Variants in ITGB2 observed in about 807,000 individuals in gnomAD.
The protein encoded by ITGB2 is integrin subunit beta 2, also known as integrin beta-2.
Under a neutral mutation model 86.8 loss-of-function variants are expected in ITGB2, and 56 were observed. That is an observed-to-expected ratio of 0.65 (90% CI 0.52 to 0.81). ITGB2 has a LOEUF of 0.81. Among genes scored for constraint, ITGB2 ranks in the 30% least tolerant of loss-of-function variants. ITGB2 has a pLI of 0.00. For missense variants in ITGB2, 948 were observed against 1,061.2 expected (o/e 0.89, Z 1.48); for synonymous variants, 457 against 450.4 (o/e 1.01, Z -0.19).
intron 9 of ITGB2, chr21:44,894,719 A>G: frequency 1.8e-6 from 1 of 546,098 alleles, no homozygotes; most frequent in Non-Finnish European, 3.3e-6. Flanking sequence ...GTCTGGAATG[A>G]AGAGTCCGGA....
At chr21:44,910,434 G>T (rs1249859085) in intron 2 of ITGB2, 62 bp from the exon 3 acceptor site, 1 of 1,611,486 alleles carries the variant, frequency 6.2e-7, no homozygotes, top group South Asian at 1.1e-5. Context: ...ACCCAAGGGG[G>T]AGTAGAGCAG....
chr21:44,886,647 C>T lies in ITGB2; in HGVS notation c.2247+89G>A, dbSNP rs1034584261. 3.4e-5 allele frequency: 54 copies of T among 1,565,742 alleles called. 1 individual carries two copies. The Middle Eastern group carries it at 5.5e-4, about 16-fold the overall frequency. ...GGGGAGGCCGGGGTGCAGCCACACA[C>T]GGGTGTCCACGGCCTCCCGCAGCAG... On this transcript the variant is annotated intron_variant, in intron 15 of 15. Transcript: ENST00000652462.
intron 3 of ITGB2, 106 bp from the exon 4 acceptor site, chr21:44,907,201 C>A (rs376366369): frequency 3.7e-6 from 3 of 815,720 alleles, no homozygotes; most frequent in South Asian, 1.7e-5. Flanking sequence ...TCCTCCTCTG[C>A]GCCTGGAATT....
In ITGB2 at chr21:44,890,005, A is replaced by G. The variant is rs201703437; in HGVS notation, c.1630T>C (p.Tyr544His). 24 of 1,613,318 alleles carry G rather than the reference A, an allele frequency of 1.5e-5. No homozygotes were observed. In the East Asian group the frequency reaches 4.9e-4, roughly 33 times the overall value. ...CECDTINCER[Y>H]NGQVCGGPGR... is the part of the protein sequence containing the mutation. ...GGGCCGCCGCAGACCTGGCCGTTGT[A>G]GCGCTCACAGTTGATGGTGTCACAC... The change falls in exon 12 of 16, where the codon TAC becomes CAC. Residue 544 changes from tyrosine (Y) to histidine (H), a missense_variant. Transcript: ENST00000652462.
chr21:44,886,953 G>A (rs372983786), intron 14 of ITGB2, 51 bp from the exon 15 acceptor site: 41 of 1,603,912 alleles, frequency 2.6e-5, no homozygotes, highest in Non-Finnish European at 3.2e-5. Flanking sequence ...ATCTCACTGA[G>A]CCGTGTGCCC....
intron 11 of ITGB2, among the ~76,000 whole-genome samples, chr21:44,890,848 G>A (rs1231103893): frequency 3.3e-5 from 5 of 152,154 alleles, no homozygotes; most frequent in Admixed American, 6.5e-5. Context: ...CACCTGCCAA[G>A]TGTTCCGACT....
At chr21:44,901,871 T>C (rs2083964717) in intron 5 of ITGB2, 138 bp from the exon 6 acceptor site, 1 of 934,666 alleles carries the variant, frequency 1.1e-6, no homozygotes, top group Non-Finnish European at 1.6e-6. Context: ...ACATGTGGAG[T>C]GTGTGTGTGA....
Position 44,886,892 on chromosome 21 carries a change from T to G in ITGB2, c.2091A>C (p.Ala697=), listed in dbSNP as rs2083707718. The G allele has an allele frequency of 2.5e-6, 4 of 1,613,084 alleles. No individual in the cohort carries two copies. The highest frequency in any genetic ancestry group is 2.5e-6 in the Non-Finnish European group (3 of 1,180,006). Reference sequence around the variant, plus strand: ...CGACGATGGCGGCGATGTTGGGGCCTGCCACACACTCTAGGGAAGAAGCAG... The same window carrying G: ...CGACGATGGCGGCGATGTTGGGGCCGGCCACACACTCTAGGGAAGAAGCAG... The part of the protein sequence containing the change: ...IYVDESRECV[A]GPNIAAIVGG... Residue 697 remains alanine, a synonymous_variant, in exon 15 of 16, where the codon GCA becomes GCC. Transcript: ENST00000652462.
At position 44,888,751 on chromosome 21, in the gene ITGB2, G is replaced by A; in HGVS notation, c.2022C>T (p.Tyr674=). The A allele has an allele frequency of 5.0e-6, 8 of 1,611,840 alleles. No individual in the cohort carries two copies. Among genetic ancestry groups the A allele is most frequent in the Non-Finnish European group, 6.8e-6 (8 of 1,179,980 alleles). Reference sequence around the variant, plus strand: ...CCATCCCGTCCTGCTGCTCCAGCGTGTAGGCCACCCAGCAGCCCTCTGAGT... The same window carrying A: ...CCATCCCGTCCTGCTGCTCCAGCGTATAGGCCACCCAGCAGCCCTCTGAGT... The part of the protein sequence containing the change: ...ERDSEGCWVA[Y]TLEQQDGMDR... The change falls in exon 14 of 16, where the codon TAC becomes TAT. Residue 674 remains tyrosine (Y), a synonymous_variant. Transcript: ENST00000652462.
intron 14 of ITGB2, 78 bp from the exon 15 acceptor site, chr21:44,886,980 C>T: frequency 6.4e-7 from 1 of 1,556,300 alleles, no homozygotes; most frequent in Non-Finnish European, 8.8e-7. Flanking sequence ...CCGAGGTCAC[C>T]CCACAACACA....
chr21:44,886,632 G>C, intron 15 of ITGB2, 104 bp downstream of exon 15: 1 of 1,532,918 alleles, frequency 6.5e-7, no homozygotes, highest in Non-Finnish European at 9.0e-7. Context: ...GGGGAGGCCG[G>C]GGTGCAGCCA....
chr21:44,916,584 G>GT (rs2084213083), intron 1 of ITGB2, among the ~76,000 whole-genome samples: 1 of 152,140 alleles, frequency 6.6e-6, no homozygotes, highest in African/African-American at 2.4e-5. Context: ...AAGCTAAGGG[G>GT]AGGCCGGGCA....
At position 44,889,263 on chromosome 21, in the gene ITGB2, C is replaced by T. The variant is rs375419725; in HGVS notation, c.1877+13G>A. The T allele has an allele frequency of 7.9e-5, 127 of 1,611,428 alleles. 1 individual carries two copies. Among genetic ancestry groups the T allele is most frequent in the Middle Eastern group, 1.7e-4 (1 of 6,016 alleles). ...GGATCCCTGCCCGCCCTGCCTGCTC[C>T]GCCTGCACTCACATGTACTTGCCAC... On this transcript the variant is annotated intron_variant, in intron 13 of 15. Transcript: ENST00000652462.
At chr21:44,902,366 T>A (rs1352840427) in intron 5 of ITGB2, among the ~76,000 whole-genome samples, 1 of 152,146 alleles carries the variant, frequency 6.6e-6, no homozygotes, top group Non-Finnish European at 1.5e-5. Flanking sequence ...TGCATTTGTG[T>A]GTGAGCGTGC....
intron 4 of ITGB2, among the ~76,000 whole-genome samples, chr21:44,904,700 C>T (rs2084016883): frequency 6.6e-6 from 1 of 151,820 alleles, no homozygotes; most frequent in Non-Finnish European, 1.5e-5. Context: ...CACACACATG[C>T]ACTCACATAC....
chr21:44,893,784 G>C, intron 9 of ITGB2: 1 of 522,064 alleles, frequency 1.9e-6, no homozygotes, highest in Non-Finnish European at 3.6e-6. Flanking sequence ...GTGAGCCTCA[G>C]GGGTGGGAGC....
intron 3 of ITGB2, chr21:44,907,869 T>C (rs1282457065): frequency 3.4e-6 from 2 of 590,128 alleles, no homozygotes; most frequent in Non-Finnish European, 6.2e-6. Context: ...TGTAGGGCTC[T>C]GACTTTTGGA....
upstream of ITGB2, among the ~76,000 whole-genome samples, chr21:44,925,137 C>CT (rs71334038): frequency 0.27 from 38,531 of 144,886 alleles, 5,075 homozygotes; most frequent in Admixed American, 0.32. Flanking sequence ...TAGTTTATAT[C>CT]TTTTTTTTTT....
chr21:44,889,965 C>T lies in ITGB2; in HGVS notation c.1657+13G>A. On this transcript the variant is annotated intron_variant, in intron 12 of 15. Transcript: ENST00000652462. Reference sequence around the variant, plus strand: ...CAGGACGGCCGTTGTCCAGCAGGGACCCACGGGCTCACCCGGGCCGCCGCA... The same window carrying T: ...CAGGACGGCCGTTGTCCAGCAGGGATCCACGGGCTCACCCGGGCCGCCGCA... The T allele has an allele frequency of 6.2e-7, 1 of 1,612,826 alleles. No individual in the cohort carries two copies.
Sources: allele counts gnomAD v4.1 joint callset (sites outside exome capture counted in the v4.1 genomes callset), GRCh38; gene constraint gnomAD v4.1.1; transcripts MANE v1.5; gene names NCBI Gene and HGNC (gene_info 2026-07-23, HGNC 2026-07-21).